The following ENTPD5 variants were observed in gnomAD, a reference collection of about 807,000 sequenced individuals.
ENTPD5 encodes the protein nucleoside diphosphate phosphatase ENTPD5.
ENTPD5 carries 49 observed loss-of-function variants against 60.2 expected under a neutral mutation model. The observed-to-expected ratio is 0.81, with a 90% CI of 0.65 to 1.03. The LOEUF is 1.03. Among genes scored for constraint, ENTPD5 ranks in the 50% least tolerant of loss-of-function variants. ENTPD5 has a pLI of 0.00. For synonymous variants in ENTPD5, 187 were observed against 185.4 expected (o/e 1.01, Z -0.07); for missense variants, 480 against 507.6 (o/e 0.95, Z 0.52).
intron 6 of ENTPD5, among the ~76,000 whole-genome samples, chr14:73,981,889 C>T (rs1339274823): frequency 6.7e-6 from 1 of 150,356 alleles, no homozygotes; most frequent in Admixed American, 6.6e-5. Context: ...GCCAGATATA[C>T]AAAAATAAAA....
downstream of ENTPD5, chr14:73,958,246 G>C: frequency 6.2e-7 from 1 of 1,614,126 alleles, no homozygotes; most frequent in Non-Finnish European, 8.5e-7. Flanking sequence ...ATTACCCTAG[G>C]TGATGGCAGC....
chr14:73,990,667 G>A (rs1002270260), intron 3 of ENTPD5, among the ~76,000 whole-genome samples: 1 of 151,744 alleles, frequency 6.6e-6, no homozygotes, highest in Admixed American at 6.6e-5. Flanking sequence ...TAAATGTATA[G>A]GGTTTTTTTC....
chr14:73,978,757 A>C (rs1185407083), intron 6 of ENTPD5, among the ~76,000 whole-genome samples: 1 of 151,816 alleles, frequency 6.6e-6, no homozygotes, highest in Non-Finnish European at 1.5e-5. Flanking sequence ...CTAAAAATAG[A>C]ATATTAGCCG....
In ENTPD5 at chr14:73,964,333, C is replaced by T. The variant is rs1317743313; in HGVS notation, c.*2595G>A. The stretch of plus-strand genomic sequence containing the variant: ...GTAGGACCTCTTAAGCCCAAAGGGT[C>T]TACTGCAGGCAGGATGGGCGTTACA... On this transcript the variant is annotated 3_prime_UTR_variant, in exon 16 of 16. Coordinates refer to ENST00000334696, the MANE Select transcript of ENTPD5 (RefSeq NM_001249.5). The T allele has an allele frequency of 6.6e-6, 1 of 152,208 alleles. No individual in the cohort carries two copies. The allele number at this position is 152,208 out of a possible 1,614,324, so 9.4% of individuals were successfully genotyped here.
intron 3 of ENTPD5, among the ~76,000 whole-genome samples, chr14:73,994,814 G>A (rs867289874): frequency 6.6e-6 from 1 of 151,380 alleles, no homozygotes; most frequent in Non-Finnish European, 1.5e-5. Context: ...CGTTCACTAT[G>A]TTAAAATCTT....
At chr14:74,012,660 G>T (rs76816121) in intron 2 of ENTPD5, among the ~76,000 whole-genome samples, 2,260 of 152,238 alleles carry the variant, frequency 0.015, 54 homozygotes, top group African/African-American at 0.051. Context: ...AAACTGGAGA[G>T]CATGTGTCCC....
intron 3 of ENTPD5, among the ~76,000 whole-genome samples, chr14:73,993,101 C>T (rs1382310623): frequency 6.6e-6 from 1 of 152,068 alleles, no homozygotes; most frequent in Non-Finnish European, 1.5e-5. Context: ...GTTCGACAGG[C>T]CAAGGTGAGT....
intron 3 of ENTPD5, chr14:74,007,553 T>C (rs1423827368): frequency 6.6e-6 from 1 of 151,548 alleles, no homozygotes; most frequent in Non-Finnish European, 1.5e-5. Context: ...TGAAGAGGTA[T>C]TTGGTGAAAA....
chr14:74,017,165 A>G (rs952135861), intron 1 of ENTPD5, among the ~76,000 whole-genome samples: 1 of 152,302 alleles, frequency 6.6e-6, no homozygotes, highest in South Asian at 2.1e-4. Flanking sequence ...CTAAAATTAC[A>G]AAAGTAGCCG....
chr14:73,970,049 T>C lies in ENTPD5; in HGVS notation c.1161A>G (p.Leu387=). ...CMDLSYITAL[L]KDGFGFADST... The stretch of plus-strand genomic sequence containing the variant: ...TGTCTGCAAAGCCAAAGCCATCCTT[T>C]AACAGGGCTGTGATGTAGCTGAGAT... The change falls in exon 15 of 16, where the codon TTA becomes TTG. Residue 387 remains leucine (L), a synonymous_variant. Transcript: ENST00000334696. 1 of 1,613,960 alleles carries C rather than the reference T, an allele frequency of 6.2e-7. No homozygotes were observed. The highest frequency in any genetic ancestry group is 8.5e-7 in the Non-Finnish European group (1 of 1,179,862).
chr14:73,958,816 G>C (rs2056566752), downstream of ENTPD5: 2 of 1,528,272 alleles, frequency 1.3e-6, no homozygotes, highest in Non-Finnish European at 1.8e-6. Context: ...CAGTGCAGGG[G>C]CTCCACCTCT....
chr14:73,996,145 G>C (rs1405565555), intron 3 of ENTPD5: 1 of 985,252 alleles, frequency 1.0e-6, no homozygotes, highest in Non-Finnish European at 1.2e-6. Flanking sequence ...CCTTGCTTTC[G>C]CTGCAGGTTG....
rs757640815 is a variant in ENTPD5 at position 73,972,376 on chromosome 14, AAAAC to A, written c.1028-472_1028-469del. ...GTAACAGAGTGAGACTCTGTCTCAA[AAAAC>A]AAACAAACAAACAAAAAACCAAAAC... On this transcript the variant is annotated intron_variant, in intron 13 of 15. Coordinates refer to ENST00000334696, the MANE Select transcript of ENTPD5 (RefSeq NM_001249.5). 8.0e-4 allele frequency among the ~76,000 whole-genome samples: 122 copies of A among 152,246 alleles called. 2 individuals carry two copies. The South Asian group carries it at 9.1e-3, about 11-fold the overall frequency.
chr14:73,985,395 C>T (rs900369976), intron 5 of ENTPD5, among the ~76,000 whole-genome samples: 6 of 152,196 alleles, frequency 3.9e-5, no homozygotes, highest in Admixed American at 6.5e-5. Context: ...ACATCCTCTC[C>T]AGCACTTGTT....
At chr14:73,961,707 T>C (rs759197344), downstream of ENTPD5, 1 of 1,613,556 alleles carries the variant, frequency 6.2e-7, no homozygotes, top group South Asian at 1.1e-5. Flanking sequence ...ATTATTGGAT[T>C]AGGGATTTAA....
At chr14:74,002,876 C>T (rs941588023) in intron 3 of ENTPD5, among the ~76,000 whole-genome samples, 1 of 152,182 alleles carries the variant, frequency 6.6e-6, no homozygotes, top group African/African-American at 2.4e-5. Flanking sequence ...CTTCCATCCC[C>T]ACTACATCTC....
In ENTPD5 at chr14:73,971,937, T is replaced by C. The variant is rs1263862700; in HGVS notation, c.1028-29A>G. 2.2e-6 allele frequency: 3 copies of C among 1,338,198 alleles called. No individual in the cohort carries two copies. In the African/African-American group the frequency reaches 4.3e-5, roughly 19 times the overall value. 82.9% of individuals were successfully genotyped at this position (1,338,198 alleles called of 1,614,324 possible). ...AAATAAAACAGAAGATTATCTGATA[T>C]CAAAACGCCTTCAAGGAAGCATAAG... On this transcript the variant is annotated intron_variant, in intron 13 of 15. Coordinates refer to ENST00000334696, the MANE Select transcript of ENTPD5 (RefSeq NM_001249.5).
downstream of ENTPD5, chr14:73,955,820 T>C: frequency 6.2e-7 from 1 of 1,614,164 alleles, no homozygotes; most frequent in Non-Finnish European, 8.5e-7. Context: ...GGACGCCTGC[T>C]CAGAGGCCCT....
downstream of ENTPD5, chr14:73,958,440 A>G (rs533450934): frequency 1.2e-4 from 176 of 1,492,674 alleles, no homozygotes; most frequent in Admixed American, 8.7e-4. Context: ...AGATGGTCTC[A>G]TCGTAAATCC....
Sources: gnomAD v4.1 joint callset for allele counts (sites outside exome capture counted in the v4.1 genomes callset) on GRCh38, gnomAD v4.1.1 for gene constraint, MANE v1.5 for transcripts, NCBI Gene and HGNC (gene_info 2026-07-23, HGNC 2026-07-21) for gene names.